ZNF675: variants seen among roughly 807,000 people sequenced by gnomAD.
ZNF675 encodes zinc finger protein 675, also known as TRAF6 inhibitory zinc finger.
A neutral mutation model predicts 56.1 loss-of-function variants in ZNF675; 36 were observed. The ratio of observed to expected loss-of-function variants is 0.64; its 90% CI spans 0.49 to 0.85. The LOEUF (loss-of-function observed/expected upper bound fraction) is 0.85, where lower values mean the gene tolerates loss of function less well. ZNF675 is among the 40% of genes least tolerant of loss of function. The pLI is 0.00. For synonymous variants in ZNF675, 200 were observed against 218.9 expected (o/e 0.91, Z 0.76); for missense variants, 663 against 654.2 (o/e 1.01, Z -0.15).
At chr19:23,684,938 T>C (rs1164971964) in intron 1 of ZNF675, among the ~76,000 whole-genome samples, 1 of 152,212 alleles carries the variant, frequency 6.6e-6, no homozygotes, top group African/African-American at 2.4e-5. Flanking sequence ...TCTGATTGGC[T>C]GACCAGCAAT....
At chr19:23,660,122 C>A (rs1332769308) in intron 3 of ZNF675, among the ~76,000 whole-genome samples, 1 of 152,166 alleles carries the variant, frequency 6.6e-6, no homozygotes, top group Non-Finnish European at 1.5e-5. Flanking sequence ...TTAAACTACC[C>A]AAGTTTTTTA....
intron 1 of ZNF675, among the ~76,000 whole-genome samples, chr19:23,686,559 C>T (rs1161957557): frequency 6.6e-6 from 1 of 152,062 alleles, no homozygotes; most frequent in Non-Finnish European, 1.5e-5. Flanking sequence ...CTCCTGACCT[C>T]AGGTGATCCA....
intron 1 of ZNF675, among the ~76,000 whole-genome samples, chr19:23,671,273 T>C (rs1490433930): frequency 6.6e-6 from 1 of 152,110 alleles, no homozygotes; most frequent in Non-Finnish European, 1.5e-5. Context: ...CAAAACCAGC[T>C]TCTTGATACA....
At chr19:23,676,996 T>G (rs575107591) in intron 1 of ZNF675, among the ~76,000 whole-genome samples, 14,246 of 148,540 alleles carry the variant, frequency 0.096, 865 homozygotes, top group East Asian at 0.22. Context: ...ATGGCGGCGT[T>G]AACCCGGGAG....
intron 1 of ZNF675, among the ~76,000 whole-genome samples, chr19:23,679,406 A>C (rs969182254): frequency 6.6e-6 from 1 of 151,518 alleles, no homozygotes; most frequent in African/African-American, 2.4e-5. Flanking sequence ...TAAAGACTTA[A>C]ATGTAAAACT....
rs1438065225 is a variant in ZNF675, at chr19:23,653,246, G to C, written c.1687C>G (p.Leu563Val). ...CATTATCACACATTCCAGTTCTGTAGTTTCTCTCCAGTATGTATTTTTTTA... is the reference window on the plus strand; with the variant it reads ...CATTATCACACATTCCAGTTCTGTACTTTCTCTCCAGTATGTATTTTTTTA... ...KHKKIHTGEKLQNWNV is the reference protein window; with the variant it reads ...KHKKIHTGEKVQNWNV The change falls in exon 4 of 4, where the codon CTA (leucine) becomes GTA (valine). Residue 563 changes from leucine to valine, a missense_variant. By Grantham distance (32) the Leu-to-Val change is conservative. Around this residue, in one of 3 missense-constraint regions of ZNF675, gnomAD observed 617 missense variants for 590.5 expected, o/e 1.04. Coordinates refer to ENST00000359788, the MANE Select transcript of ZNF675 (RefSeq NM_138330.3). 6.2e-7 allele frequency: 1 copy of C among 1,601,934 alleles called. No homozygotes were observed. Among genetic ancestry groups the C allele is most frequent in the Non-Finnish European group, 8.5e-7 (1 of 1,174,358 alleles).
rs781150956 is a variant in ZNF675 at position 23,653,740 on chromosome 19, C to T, written c.1193G>A (p.Cys398Tyr). ...KIHTEEKPYK[C>Y]KECGKAFKHS... ...TTTAAAAGCTTTGCCACATTCTTTA[C>T]ATTTGTAGGGTTTCTCTTCGGTATG... Residue 398 changes from cysteine to tyrosine, a missense_variant, in exon 4 of 4, where the codon TGT becomes TAT. Physicochemically the swap from Cys to Tyr is radical, Grantham distance 194. Around this residue, in one of 3 missense-constraint regions of ZNF675, gnomAD observed 617 missense variants for 590.5 expected, o/e 1.04. Coordinates refer to ENST00000359788, the MANE Select transcript of ZNF675 (RefSeq NM_138330.3). 6.2e-7 allele frequency: 1 copy of T among 1,613,748 alleles called. No individual in the cohort carries two copies. Among genetic ancestry groups the T allele is most frequent in the Admixed American group, 1.7e-5 (1 of 59,982 alleles).
chr19:23,684,418 GCGGATCA>G (rs1484177670), intron 1 of ZNF675, among the ~76,000 whole-genome samples: 1 of 152,084 alleles, frequency 6.6e-6, no homozygotes, highest in African/African-American at 2.4e-5. Context: ...GCCAAGAGGG[GCGGATCA>G]CCTGAGGTCG....
At chr19:23,668,856 T>G (rs866435089) in intron 1 of ZNF675, among the ~76,000 whole-genome samples, 11 of 152,104 alleles carry the variant, frequency 7.2e-5, no homozygotes, top group Admixed American at 2.0e-4. Context: ...CACCCGGAAC[T>G]CCAGCTGGCC....
intron 1 of ZNF675, among the ~76,000 whole-genome samples, chr19:23,679,058 T>C (rs1224673477): frequency 6.8e-6 from 1 of 148,006 alleles, no homozygotes; most frequent in African/African-American, 2.5e-5. Context: ...TCCCAGCTAC[T>C]TGGGAGGCTG....
chr19:23,673,143 A>G (rs1004860850), intron 1 of ZNF675, among the ~76,000 whole-genome samples: 1 of 152,328 alleles, frequency 6.6e-6, no homozygotes, highest in South Asian at 2.1e-4. Context: ...TTTCCCAGAT[A>G]TAAGTTTTTT....
chr19:23,679,742 G>A (rs560624476), intron 1 of ZNF675, among the ~76,000 whole-genome samples: 4 of 151,638 alleles, frequency 2.6e-5, no homozygotes, highest in Admixed American at 2.0e-4. Flanking sequence ...TGTAATCCCA[G>A]CACTTTGGGA....
At chr19:23,683,484 C>T (rs369418701) in intron 1 of ZNF675, among the ~76,000 whole-genome samples, 6 of 152,208 alleles carry the variant, frequency 3.9e-5, no homozygotes, top group South Asian at 2.1e-4. Context: ...TGCAGTGGTG[C>T]GATCTCGGCT....
At chr19:23,681,859 G>A (rs1968380692) in intron 1 of ZNF675, among the ~76,000 whole-genome samples, 1 of 149,286 alleles carries the variant, frequency 6.7e-6, no homozygotes, top group Non-Finnish European at 1.5e-5. Context: ...CTCAGAAAAA[G>A]TCAAATGGAA....
At chr19:23,661,041 T>G (rs945202724) in intron 3 of ZNF675, among the ~76,000 whole-genome samples, 3 of 151,990 alleles carry the variant, frequency 2.0e-5, no homozygotes, top group Non-Finnish European at 4.4e-5. Context: ...GCGATTCTCC[T>G]GCCTCAGCCT....
intron 2 of ZNF675, 55 bp downstream of exon 2, chr19:23,662,977 C>G: frequency 7.0e-7 from 1 of 1,426,422 alleles, no homozygotes; most frequent in South Asian, 1.3e-5. Context: ...AGCCAGACTC[C>G]GTCTCAAAAG....
intron 3 of ZNF675, among the ~76,000 whole-genome samples, chr19:23,660,783 C>T (rs951005063): frequency 6.6e-5 from 10 of 152,008 alleles, no homozygotes; most frequent in African/African-American, 2.4e-4. Context: ...AGATTCAAGA[C>T]TCCCTATCAA....
chr19:23,683,711 C>G (rs1279384286), intron 1 of ZNF675, among the ~76,000 whole-genome samples: 2 of 152,164 alleles, frequency 1.3e-5, no homozygotes, highest in Non-Finnish European at 2.9e-5. Flanking sequence ...TGAGCCACCC[C>G]ACCTGGCCCT....
At chr19:23,658,716 C>T (rs377024327) in intron 3 of ZNF675, 1 of 73,398 alleles carries the variant, frequency 1.4e-5, no homozygotes, top group South Asian at 5.3e-4. Context: ...TAAATATATG[C>T]TATTGTTACA....
Sources: gnomAD v4.1 joint callset for allele counts (sites outside exome capture counted in the v4.1 genomes callset) on GRCh38, gnomAD v4.1.1 for gene constraint, gnomAD v4.1.1 regional missense constraint, MANE v1.5 for transcripts, NCBI Gene and HGNC (gene_info 2026-07-23, HGNC 2026-07-21) for gene names.